The following ALDH18A1 variants were observed in gnomAD, a reference collection of about 807,000 sequenced individuals.
ALDH18A1 encodes the protein delta-1-pyrroline-5-carboxylate synthase.
In ALDH18A1, 44 loss-of-function variants were observed where a neutral mutation model predicts 88.8. The ratio of observed to expected loss-of-function variants is 0.50; its 90% CI spans 0.39 to 0.64. ALDH18A1 has a LOEUF of 0.64. Among genes scored for constraint, ALDH18A1 ranks in the 30% least tolerant of loss-of-function variants. The pLI, the probability that ALDH18A1 is intolerant of heterozygous loss-of-function variation, is 0.00. For synonymous variants in ALDH18A1, 331 were observed against 372.1 expected (o/e 0.89, Z 1.27); for missense variants, 782 against 1,009.5 (o/e 0.77, Z 3.05).
intron 3 of ALDH18A1, among the ~76,000 whole-genome samples, chr10:95,639,531 T>C (rs1400647991): frequency 1.3e-5 from 2 of 151,812 alleles, no homozygotes; most frequent in African/African-American, 4.8e-5. Flanking sequence ...ATTTCATCTG[T>C]AAATAGCTCA....
intron 2 of ALDH18A1, among the ~76,000 whole-genome samples, chr10:95,647,568 T>C (rs893249866): frequency 6.6e-6 from 1 of 152,230 alleles, no homozygotes; most frequent in Non-Finnish European, 1.5e-5. Context: ...ATCTCTCTGG[T>C]ATTCTCCTGA....
intron 3 of ALDH18A1, among the ~76,000 whole-genome samples, chr10:95,640,365 A>C (rs1284242355): frequency 6.9e-6 from 1 of 145,592 alleles, no homozygotes; most frequent in African/African-American, 2.6e-5. Context: ...TTTTTTTGAG[A>C]CTGAGTCTCA....
At position 95,619,482 on chromosome 10, in the gene ALDH18A1, C is replaced by T. The variant is rs563510512; in HGVS notation, c.1467+1549G>A. ...CAAAAAAGAGCCCGCATTGCCAAGA[C>T]AATCCTAAGCAAAAAGAACAAAGCT... is the stretch of plus-strand genomic sequence containing the variant. On this transcript the variant is annotated intron_variant, in intron 12 of 17. Transcript: ENST00000371224. Among the ~76,000 whole-genome samples the T allele has an allele frequency of 8.5e-5, 13 of 152,312 alleles. No individual in the cohort carries two copies. The East Asian group carries it at 2.3e-3, about 27-fold the overall frequency.
rs2097823001 is a variant in ALDH18A1, at chr10:95,606,539, T to C, written c.*223A>G. The C allele has an allele frequency of 7.1e-7, 1 of 1,411,262 alleles. No individual in the cohort carries two copies. Among genetic ancestry groups the C allele is most frequent in the Non-Finnish European group, 9.2e-7 (1 of 1,085,558 alleles). 87.4% of individuals were successfully genotyped at this position (1,411,262 alleles called of 1,614,324 possible). A position where few individuals can be genotyped will look rare whatever the true frequency, so the allele number is the denominator to read the frequency against. ...TTGGACTTGGCAAAGTCCCTATCGGTAGCAACTATTTTCTTACTTTAAAAA... is the reference window on the plus strand; with the variant it reads ...TTGGACTTGGCAAAGTCCCTATCGGCAGCAACTATTTTCTTACTTTAAAAA... On this transcript the variant is annotated 3_prime_UTR_variant, in exon 18 of 18. Coordinates refer to ENST00000371224, the MANE Select transcript of ALDH18A1 (RefSeq NM_002860.4).
intron 12 of ALDH18A1, among the ~76,000 whole-genome samples, chr10:95,616,958 C>G (rs2097845213): frequency 6.6e-6 from 1 of 152,152 alleles, no homozygotes; most frequent in African/African-American, 2.4e-5. Flanking sequence ...GCAAAGAGAA[C>G]TGAGTTGGCC....
chr10:95,626,272 C>G (rs2097860278), intron 10 of ALDH18A1, among the ~76,000 whole-genome samples: 1 of 152,132 alleles, frequency 6.6e-6, no homozygotes, highest in African/African-American at 2.4e-5. Flanking sequence ...CCAGCCTCAT[C>G]ATGTCTGCTA....
intron 3 of ALDH18A1, 23 bp downstream of exon 3, chr10:95,642,969 A>AT (rs1566039097): frequency 6.2e-7 from 1 of 1,612,136 alleles, no homozygotes; most frequent in Non-Finnish European, 8.5e-7. Flanking sequence ...TTAGTACAGC[A>AT]TAATTTCTAT....
rs551051433 is a variant in ALDH18A1, at chr10:95,629,730, T to C, written c.809-1238A>G. Among the ~76,000 whole-genome samples, 9 of 152,270 alleles carry C rather than the reference T, an allele frequency of 5.9e-5. No individual in the cohort carries two copies. The East Asian group carries it at 1.4e-3, about 23-fold the overall frequency. On this transcript the variant is annotated intron_variant, in intron 7 of 17. Coordinates refer to ENST00000371224, the MANE Select transcript of ALDH18A1 (RefSeq NM_002860.4). ...AGCATTCTGATAATGTGCCTACTCC[T>C]CTTTTCCCCTTACCCCACCAAGAGC...
At chr10:95,655,957 G>A (rs1328239526) in intron 1 of ALDH18A1, among the ~76,000 whole-genome samples, 1 of 152,120 alleles carries the variant, frequency 6.6e-6, no homozygotes, top group Non-Finnish European at 1.5e-5. Flanking sequence ...AGATCCGATG[G>A]GCCTCACCAC....
chr10:95,633,761 C>T, intron 5 of ALDH18A1, 112 bp from the exon 6 acceptor site: 1 of 981,384 alleles, frequency 1.0e-6, no homozygotes, highest in Non-Finnish European at 1.5e-6. Context: ...TGGGGCCCCA[C>T]ACAGATTAGA....
At chr10:95,614,221 A>G in intron 13 of ALDH18A1, 60 bp from the exon 14 acceptor site, 1 of 1,539,878 alleles carries the variant, frequency 6.5e-7, no homozygotes, top group East Asian at 2.2e-5. Context: ...ATATAAAAAC[A>G]GCAGCTTCCC....
chr10:95,643,860 C>A (rs2097896370), intron 2 of ALDH18A1, among the ~76,000 whole-genome samples: 2 of 151,966 alleles, frequency 1.3e-5, no homozygotes, highest in Non-Finnish European at 2.9e-5. Context: ...GAGGAAAAAG[C>A]CGGCCAGGCA....
rs770247123 is a variant in ALDH18A1 at position 95,621,118 on chromosome 10, G to A, written c.1380C>T (p.Ile460=). 6.2e-5 allele frequency: 100 copies of A among 1,613,910 alleles called. 1 individual carries two copies. The Middle Eastern group carries it at 8.2e-4, about 13-fold the overall frequency. Reference sequence around the variant, plus strand: ...CTTGTTCCAGTTCCAAGTTTTTGGCGATTCGGGTGCGGCGCAAAACACGTC... The same window carrying A: ...CTTGTTCCAGTTCCAAGTTTTTGGCAATTCGGGTGCGGCGCAAAACACGTC... ...SVGRVLRRTR[I]AKNLELEQVT... The change falls in exon 12 of 18, where the codon ATC becomes ATT. Residue 460 remains isoleucine (I), a synonymous_variant. Coordinates refer to ENST00000371224, the MANE Select transcript of ALDH18A1 (RefSeq NM_002860.4).
At chr10:95,629,164 A>G (rs1289571495) in intron 7 of ALDH18A1, among the ~76,000 whole-genome samples, 1 of 152,220 alleles carries the variant, frequency 6.6e-6, no homozygotes, top group African/African-American at 2.4e-5. Context: ...AAACCCTCAC[A>G]ATTTCACTTT....
Position 95,606,857 on chromosome 10 carries a change from G to A in ALDH18A1, c.2293C>T (p.Arg765Ter), listed in dbSNP as rs1462559161. Residue 765 changes from arginine to a stop codon, truncating the protein, a stop_gained, in exon 18 of 18, where the codon CGA (arginine) becomes TGA (stop). Transcript: ENST00000371224. LOFTEE classifies it high-confidence loss of function. ...EGLLTTKWLL[R>*]GKDHVVSDFS... ...TCTGAGACCACGTGGTCCTTCCCTC[G>A]CAGCAGCCACTTAGTAGTAAGCAGT... 1.9e-6 allele frequency: 3 copies of A among 1,614,010 alleles called. No individual in the cohort carries two copies. The highest frequency in any genetic ancestry group is 2.5e-6 in the Non-Finnish European group (3 of 1,180,036).
chr10:95,656,056 G>A (rs2097917537), intron 1 of ALDH18A1, among the ~76,000 whole-genome samples: 1 of 152,144 alleles, frequency 6.6e-6, no homozygotes, highest in Admixed American at 6.5e-5. Flanking sequence ...AGCATACACA[G>A]AATGCCATAC....
At chr10:95,643,359 C>G (rs1040970491) in intron 2 of ALDH18A1, among the ~76,000 whole-genome samples, 153 bp from the exon 3 acceptor site, 3 of 152,196 alleles carry the variant, frequency 2.0e-5, no homozygotes, top group Non-Finnish European at 4.4e-5. Flanking sequence ...ATCAAAAGCT[C>G]TATCTAGCGT....
chr10:95,639,749 A>C (rs1398357925), intron 3 of ALDH18A1, among the ~76,000 whole-genome samples: 15 of 152,016 alleles, frequency 9.9e-5, no homozygotes, highest in Admixed American at 9.8e-4. Context: ...AGTGTCTCTC[A>C]AGTCTCTTTC....
intron 9 of ALDH18A1, 106 bp downstream of exon 9, chr10:95,627,336 A>T: frequency 6.8e-7 from 1 of 1,478,658 alleles, no homozygotes; most frequent in Non-Finnish European, 9.4e-7. Flanking sequence ...CGTTCAAAAC[A>T]ATGCCATATT....
Sources: gnomAD v4.1 joint callset for allele counts (sites outside exome capture counted in the v4.1 genomes callset) on GRCh38, gnomAD v4.1.1 for gene constraint, MANE v1.5 for transcripts, NCBI Gene and HGNC (gene_info 2026-07-23, HGNC 2026-07-21) for gene names.